Variants in FRYL observed in about 807,000 individuals in gnomAD.
FRYL encodes protein furry homolog-like.
Under a neutral mutation model 351.2 loss-of-function variants are expected in FRYL, and 150 were observed. That is an observed-to-expected ratio of 0.43 (90% confidence interval 0.37 to 0.49). The LOEUF (loss-of-function observed/expected upper bound fraction) is 0.49. FRYL is among the 20% of genes least tolerant of loss of function. The pLI, the probability that FRYL is intolerant of heterozygous loss-of-function variation, is 0.00. For synonymous variants in FRYL, 1,153 were observed against 1,257.1 expected, an observed-to-expected ratio of 0.92 and a Z score of 1.75; for missense variants, 3,036 against 3,619.3, an observed-to-expected ratio of 0.84 and a Z score of 4.13.
intron 3 of FRYL, among the ~76,000 whole-genome samples, chr4:48,654,711 G>GA (rs1560795374): frequency 6.6e-6 from 1 of 152,182 alleles, no homozygotes; most frequent in Non-Finnish European, 1.5e-5. Flanking sequence ...AAATGTCAAT[G>GA]AATAGCGAGA....
intron 36 of FRYL, among the ~76,000 whole-genome samples, chr4:48,552,244 G>GGGGT (rs1171010678): frequency 2.4e-4 from 35 of 145,350 alleles, no homozygotes; most frequent in South Asian, 6.7e-4. Context: ...AGTCCAAAGG[G>GGGGT]GTGTGTGTGT....
At chr4:48,648,821 C>T (rs1041975695) in intron 3 of FRYL, among the ~76,000 whole-genome samples, 1 of 152,062 alleles carries the variant, frequency 6.6e-6, no homozygotes, top group African/African-American at 2.4e-5. Context: ...TAGACAAATC[C>T]GTAGTGACAG....
At chr4:48,614,436 A>G (rs889431396) in intron 7 of FRYL, among the ~76,000 whole-genome samples, 2 of 152,176 alleles carry the variant, frequency 1.3e-5, no homozygotes, top group African/African-American at 4.8e-5. Context: ...AAACTATAGT[A>G]ACTGGCTGGG....
chr4:48,573,073 T>C, intron 26 of FRYL, 113 bp downstream of exon 26: 1 of 719,388 alleles, frequency 1.4e-6, no homozygotes, highest in Non-Finnish European at 2.3e-6. Flanking sequence ...TGTCTGCATC[T>C]TAAAAAGAAG....
chr4:48,737,008 G>GGTGGCTCACACCTTTGATCCC (rs1182280829), intron 1 of FRYL, among the ~76,000 whole-genome samples: 22 of 150,568 alleles, frequency 1.5e-4, no homozygotes, highest in African/African-American at 5.1e-4. Context: ...GGCCGGGCGT[G>GGTGGCTCACACCTTTGATCCC]GTGGCTCACA....
At chr4:48,763,765 A>G (rs539650201) in intron 1 of FRYL, among the ~76,000 whole-genome samples, 1 of 152,208 alleles carries the variant, frequency 6.6e-6, no homozygotes, top group Non-Finnish European at 1.5e-5. Context: ...TCCACTCGAC[A>G]TGTACTAGAA....
At chr4:48,670,307 C>A (rs1762444251) in intron 3 of FRYL, among the ~76,000 whole-genome samples, 1 of 151,812 alleles carries the variant, frequency 6.6e-6, no homozygotes, top group Non-Finnish European at 1.5e-5. Context: ...GTGGCACACA[C>A]CTGTAATCCC....
chr4:48,647,309 T>C (rs1756697236), intron 3 of FRYL, among the ~76,000 whole-genome samples: 1 of 152,136 alleles, frequency 6.6e-6, no homozygotes, highest in Non-Finnish European at 1.5e-5. Context: ...ACATGAGTAC[T>C]ACAGCAGGTA....
intron 2 of FRYL, among the ~76,000 whole-genome samples, chr4:48,697,521 C>T (rs1476720635): frequency 6.6e-6 from 1 of 152,092 alleles, no homozygotes; most frequent in Non-Finnish European, 1.5e-5. Flanking sequence ...GATGGAGTCT[C>T]ACTCTGTCCC....
intron 1 of FRYL, among the ~76,000 whole-genome samples, chr4:48,755,178 C>A (rs551709311): frequency 6.6e-6 from 1 of 152,248 alleles, no homozygotes; most frequent in East Asian, 1.9e-4. Flanking sequence ...TCACATCTCC[C>A]TCACCCTTGT....
chr4:48,505,439 C>T, intron 60 of FRYL, 108 bp downstream of exon 60: 1 of 674,396 alleles, frequency 1.5e-6, no homozygotes. Context: ...AAAAGTTTTA[C>T]AAATATTCTT....
intron 1 of FRYL, among the ~76,000 whole-genome samples, chr4:48,723,768 C>T (rs1415740962): frequency 6.6e-6 from 1 of 151,856 alleles, no homozygotes; most frequent in East Asian, 1.9e-4. Flanking sequence ...TTTCTCATTT[C>T]TCCACATAGT....
chr4:48,603,014 G>A (rs1159164875), intron 12 of FRYL, among the ~76,000 whole-genome samples: 2 of 152,126 alleles, frequency 1.3e-5, no homozygotes, highest in African/African-American at 2.4e-5. Flanking sequence ...ATAGCCTAAC[G>A]ACACATTTCT....
intron 13 of FRYL, among the ~76,000 whole-genome samples, chr4:48,601,112 C>T (rs2149248460): frequency 1.3e-5 from 2 of 152,240 alleles, no homozygotes; most frequent in Middle Eastern, 3.4e-3. Context: ...AGTCCTATTC[C>T]TACAATAGCA....
chr4:48,645,393 C>G (rs1483666630), intron 3 of FRYL, among the ~76,000 whole-genome samples: 1 of 151,950 alleles, frequency 6.6e-6, no homozygotes, highest in African/African-American at 2.4e-5. Flanking sequence ...ATGAGCTTAT[C>G]CCACAAAAAT....
At chr4:48,754,022 A>G (rs1773516509) in intron 1 of FRYL, among the ~76,000 whole-genome samples, 1 of 152,228 alleles carries the variant, frequency 6.6e-6, no homozygotes, top group Non-Finnish European at 1.5e-5. Context: ...ATGTATTGAC[A>G]CTTTTTAAAA....
chr4:48,523,155 G>T, intron 53 of FRYL, 51 bp from the exon 54 acceptor site: 1 of 1,220,292 alleles, frequency 8.2e-7, no homozygotes, highest in South Asian at 1.3e-5. Context: ...GCTTCTAAAT[G>T]TACTAAATGT....
chr4:48,587,543 A>T (rs536274383), intron 18 of FRYL, among the ~76,000 whole-genome samples: 4 of 151,340 alleles, frequency 2.6e-5, no homozygotes, highest in South Asian at 2.1e-4. Context: ...TTTTATTTTT[A>T]TTTTTTATTT....
At chr4:48,690,472 T>G (rs1765584300) in intron 2 of FRYL, among the ~76,000 whole-genome samples, 1 of 152,280 alleles carries the variant, frequency 6.6e-6, no homozygotes, top group East Asian at 1.9e-4. Flanking sequence ...TAAAATGCTC[T>G]TCTCCCTACC....
Sources: allele counts gnomAD v4.1 joint callset (sites outside exome capture counted in the v4.1 genomes callset), GRCh38; gene constraint gnomAD v4.1.1; transcripts MANE v1.5; gene names NCBI Gene and HGNC (gene_info 2026-07-23, HGNC 2026-07-21).